The following KALRN variants were observed in gnomAD, a reference collection of about 807,000 sequenced individuals.
KALRN encodes kalirin RhoGEF kinase.
KALRN carries 70 observed loss-of-function variants against 353.7 expected under a neutral mutation model. The ratio of observed to expected loss-of-function variants is 0.20; its 90% CI spans 0.16 to 0.24. The LOEUF is 0.24. Ranked by LOEUF, KALRN falls within the 10% of genes least tolerant of loss-of-function variation. KALRN has a pLI of 1.00. For synonymous variants in KALRN, 1,391 were observed against 1,434.8 expected, an observed-to-expected ratio of 0.97 and a Z score of 0.69; for missense variants, 2,791 against 3,756.7, an observed-to-expected ratio of 0.74 and a Z score of 6.72.
intron 9 of KALRN, among the ~76,000 whole-genome samples, chr3:124,341,512 CCTCT>C (rs1486498685): frequency 1.3e-5 from 2 of 152,158 alleles, no homozygotes; most frequent in East Asian, 3.9e-4. Context: ...TCTTTACATC[CCTCT>C]AAGAACTAAC....
At chr3:124,392,763 C>A (rs2089611704) in intron 11 of KALRN, among the ~76,000 whole-genome samples, 2 of 150,606 alleles carry the variant, frequency 1.3e-5, no homozygotes, top group Admixed American at 1.3e-4. Context: ...CGGCATCATG[C>A]CCAGCTAATT....
rs190182810 is a variant in KALRN, at chr3:124,553,928, G to A, written c.4936-8915G>A. Among the ~76,000 whole-genome samples, 10 of 152,366 alleles carry A rather than the reference G, an allele frequency of 6.6e-5. No homozygotes were observed. The East Asian group carries it at 1.7e-3, about 26-fold the overall frequency. ...CAGGGGCAATGAGATGAAGATAGAA[G>A]GGAGAATAAATACCAGTTGCTACTA... On this transcript the variant is annotated intron_variant, in intron 33 of 59. Coordinates refer to ENST00000682506, the MANE Select transcript of KALRN (RefSeq NM_001388419.1).
chr3:124,622,434 G>A (rs1299934192), intron 34 of KALRN, among the ~76,000 whole-genome samples: 1 of 152,192 alleles, frequency 6.6e-6, no homozygotes. Flanking sequence ...TGCCTTTGGG[G>A]TGTGCTTGAA....
chr3:124,504,185 C>T (rs1382988972), intron 33 of KALRN, among the ~76,000 whole-genome samples: 1 of 152,114 alleles, frequency 6.6e-6, no homozygotes, highest in Non-Finnish European at 1.5e-5. Context: ...TAGGTGATAG[C>T]TGCAAGGGTA....
At chr3:124,404,460 T>C (rs1415754997) in intron 13 of KALRN, among the ~76,000 whole-genome samples, 4 of 152,098 alleles carry the variant, frequency 2.6e-5, no homozygotes, top group Non-Finnish European at 4.4e-5. Context: ...GGATGTGTCC[T>C]CTTCAGAGTA....
chr3:124,398,740 A>C lies in KALRN; in HGVS notation c.2215A>C (p.Ile739Leu). 1 of 1,614,152 alleles carries C rather than the reference A, an allele frequency of 6.2e-7. No individual in the cohort carries two copies. The highest frequency in any genetic ancestry group is 1.1e-5 in the South Asian group (1 of 91,088). The stretch of plus-strand genomic sequence containing the variant: ...CAACAAAACACCCCACAGCAGCTCC[A>C]TCAGCCACATCGAGTCGGTCCTGCA... The part of the protein sequence containing the change: ...SNNKTPHSSS[I>L]SHIESVLQQL... The change falls in exon 13 of 60, where the codon ATC becomes CTC. Residue 739 changes from isoleucine to leucine, a missense_variant. Ile to Leu is a conservative substitution (Grantham distance 5, BLOSUM62 2). Coordinates refer to ENST00000682506, the MANE Select transcript of KALRN (RefSeq NM_001388419.1).
chr3:124,548,814 C>T (rs143739336), intron 33 of KALRN, among the ~76,000 whole-genome samples: 53 of 152,260 alleles, frequency 3.5e-4, no homozygotes, highest in African/African-American at 1.2e-3. Context: ...CCACCACGCC[C>T]GGCTAATTTT....
chr3:124,587,215 A>C lies in KALRN; in HGVS notation c.5182+24126A>C, dbSNP rs75432529. On this transcript the variant is annotated intron_variant, in intron 34 of 59. Coordinates refer to ENST00000682506, the MANE Select transcript of KALRN (RefSeq NM_001388419.1). The stretch of plus-strand genomic sequence containing the variant: ...AATACAATGGAAAGGCAACCTCCAC[A>C]CTCCACCTTGTAGATAAAGGCGGCC... Among the ~76,000 whole-genome samples the C allele has an allele frequency of 1.1e-3, 166 of 151,512 alleles. 2 individuals carry two copies. Among genetic ancestry groups the C allele is most frequent in the Admixed American group, 7.2e-3 (109 of 15,214 alleles).
Position 124,208,993 on chromosome 3 carries a change from C to A in KALRN, c.74-18997C>A, listed in dbSNP as rs569339749. Among the ~76,000 whole-genome samples, 14 of 151,728 alleles carry A rather than the reference C, an allele frequency of 9.2e-5. No individual in the cohort carries two copies. In the East Asian group the frequency reaches 1.4e-3, roughly 15 times the overall value. Reference sequence around the variant, plus strand: ...TAATAATAATAATAATAATCATCATCATCATCATCATAACCAATAGTTAAG... The same window carrying A: ...TAATAATAATAATAATAATCATCATAATCATCATCATAACCAATAGTTAAG... On this transcript the variant is annotated intron_variant, in intron 1 of 59. Coordinates refer to ENST00000682506, the MANE Select transcript of KALRN (RefSeq NM_001388419.1).
chr3:124,132,780 T>A (rs1184405076), intron 1 of KALRN: 1 of 152,632 alleles, frequency 6.6e-6, no homozygotes, highest in Non-Finnish European at 1.5e-5. Context: ...AGTTCTTTCA[T>A]GAGAGCTTTG....
chr3:124,435,273 GC>G (rs1453407306), intron 17 of KALRN, among the ~76,000 whole-genome samples: 12 of 152,138 alleles, frequency 7.9e-5, no homozygotes, highest in Admixed American at 7.9e-4. Context: ...CATTCCTTGG[GC>G]CCCCAGTCTA....
chr3:124,175,109 C>G (rs1471120119), intron 1 of KALRN, among the ~76,000 whole-genome samples: 1 of 152,214 alleles, frequency 6.6e-6, no homozygotes, highest in African/African-American at 2.4e-5. Flanking sequence ...CTGGCAGGCA[C>G]AGCCCAGCCC....
chr3:124,281,297 G>T (rs182854573), intron 5 of KALRN, among the ~76,000 whole-genome samples: 1 of 152,296 alleles, frequency 6.6e-6, no homozygotes, highest in African/African-American at 2.4e-5. Context: ...TATGCGTTCT[G>T]GTGGAGAGAT....
intron 1 of KALRN, among the ~76,000 whole-genome samples, chr3:124,093,010 C>G (rs963223068): frequency 6.6e-6 from 1 of 152,176 alleles, no homozygotes; most frequent in African/African-American, 2.4e-5. Context: ...ATAATGCTAA[C>G]AGAGCCTGAG....
rs74817566 is a variant in KALRN at position 124,126,845 on chromosome 3, A to G, written c.73+93032A>G. Among the ~76,000 whole-genome samples the G allele has an allele frequency of 7.0e-4, 106 of 152,320 alleles. No individual in the cohort carries two copies. In the South Asian group the frequency reaches 0.014, roughly 20 times the overall value. On this transcript the variant is annotated intron_variant, in intron 1 of 59. Coordinates refer to ENST00000682506, the MANE Select transcript of KALRN (RefSeq NM_001388419.1). ...AAGAAAGCCCCTAGCCCACTTCTGTAGCTTGTCCAAGAGTGCCTGGCACAT... is the reference window on the plus strand; with the variant it reads ...AAGAAAGCCCCTAGCCCACTTCTGTGGCTTGTCCAAGAGTGCCTGGCACAT...
At chr3:124,292,598 A>T (rs1170946488) in intron 5 of KALRN, among the ~76,000 whole-genome samples, 1 of 151,558 alleles carries the variant, frequency 6.6e-6, no homozygotes, top group Non-Finnish European at 1.5e-5. Context: ...TGGTGGGAGG[A>T]TGGACAGGCA....
intron 6 of KALRN, among the ~76,000 whole-genome samples, chr3:124,308,308 A>C (rs926682379): frequency 6.6e-6 from 1 of 152,030 alleles, no homozygotes; most frequent in Non-Finnish European, 1.5e-5. Context: ...ATAGAAGACT[A>C]TAAGCCAAAT....
intron 31 of KALRN, 121 bp from the exon 32 acceptor site, chr3:124,492,619 A>T: frequency 9.4e-7 from 1 of 1,062,786 alleles, no homozygotes; most frequent in Non-Finnish European, 1.4e-6. Context: ...ATGAGAAATA[A>T]ACTCCCCAGA....
chr3:124,364,247 T>C (rs1342080034), intron 10 of KALRN, among the ~76,000 whole-genome samples: 1 of 152,200 alleles, frequency 6.6e-6, no homozygotes, highest in Non-Finnish European at 1.5e-5. Context: ...GTGAGGATTA[T>C]GGTATAGTCT....
Sources: allele counts gnomAD v4.1 joint callset (sites outside exome capture counted in the v4.1 genomes callset), GRCh38; gene constraint gnomAD v4.1.1; transcripts MANE v1.5; gene names NCBI Gene and HGNC (gene_info 2026-07-23, HGNC 2026-07-21).